The following C1QTNF9B variants were observed in gnomAD, a reference collection of about 807,000 sequenced individuals.
C1QTNF9B encodes complement C1q and tumor necrosis factor-related protein 9B.
A neutral mutation model predicts 10.1 loss-of-function variants in C1QTNF9B; 9 were observed. That is an observed-to-expected ratio of 0.89 (90% CI 0.53 to 1.55). C1QTNF9B has a LOEUF of 1.55. C1QTNF9B is among the 40% of genes most tolerant of loss of function. The pLI, the probability that C1QTNF9B is intolerant of heterozygous loss-of-function variation, is 0.00. For missense variants in C1QTNF9B, 196 were observed against 414.4 expected, an observed-to-expected ratio of 0.47 and a Z score of 4.58; for synonymous variants, 79 against 159.9, an observed-to-expected ratio of 0.49 and a Z score of 3.82.
chr13:23,894,341 AG>A, intron 1 of C1QTNF9B, 140 bp from the exon 4 acceptor site: 1 of 803,926 alleles, frequency 1.2e-6, no homozygotes, highest in African/African-American at 1.7e-5. Context: ...ACACGAGCGC[AG>A]GTGGAGAGAG....
At chr13:23,897,048 G>T (rs1593223025), upstream of C1QTNF9B, 1 of 1,605,846 alleles carries the variant, frequency 6.2e-7, no homozygotes, top group Non-Finnish European at 8.5e-7. Context: ...AACCTTTGTT[G>T]CTGGGGCCCT....
At chr13:23,892,379 G>C (rs1418886926) in intron 2 of C1QTNF9B, among the ~76,000 whole-genome samples, 3 of 152,196 alleles carry the variant, frequency 2.0e-5, no homozygotes, top group African/African-American at 4.8e-5. Context: ...CTCCAGCCCA[G>C]CTCAGTGGCT....
At chr13:23,896,594 G>A (rs1285623327) in intron 1 of C1QTNF9B, among the ~76,000 whole-genome samples, 1 of 152,176 alleles carries the variant, frequency 6.6e-6, no homozygotes, top group Non-Finnish European at 1.5e-5. Context: ...CTGGCCCTGT[G>A]CTCTCCACCA....
upstream of C1QTNF9B, chr13:23,897,111 C>T: frequency 5.1e-6 from 7 of 1,366,358 alleles, no homozygotes; most frequent in Non-Finnish European, 7.1e-6. Context: ...TCCCCTGCCC[C>T]AGACCCACAC....
At chr13:23,893,340 C>T (rs1296255615) in intron 2 of C1QTNF9B, among the ~76,000 whole-genome samples, 1 of 152,212 alleles carries the variant, frequency 6.6e-6, no homozygotes, top group Non-Finnish European at 1.5e-5. Context: ...GCCAGATGCA[C>T]CAAGTCAAAA....
At chr13:23,894,762 A>T in intron 1 of C1QTNF9B, 1 of 405,142 alleles carries the variant, frequency 2.5e-6, no homozygotes, top group Admixed American at 2.6e-5. Flanking sequence ...GCTGGCAGAG[A>T]ACATCAGGTG....
At chr13:23,897,008 T>A (rs181995253), upstream of C1QTNF9B, 4 of 1,613,514 alleles carry the variant, frequency 2.5e-6, no homozygotes, top group African/African-American at 5.3e-5. Context: ...CAGACTGAAC[T>A]GAAAGAGGGA....
chr13:23,897,053 G>A (rs1388111369), upstream of C1QTNF9B: 7 of 1,602,918 alleles, frequency 4.4e-6, no homozygotes, highest in Non-Finnish European at 6.0e-6. Flanking sequence ...TTGTTGCTGG[G>A]GCCCTGGACA....
At chr13:23,894,662 T>C (rs1490162228) in intron 1 of C1QTNF9B, 1 of 458,250 alleles carries the variant, frequency 2.2e-6, no homozygotes, top group South Asian at 1.5e-5. Flanking sequence ...CACAGATGAC[T>C]ATGGTTACGT....
intron 1 of C1QTNF9B, among the ~76,000 whole-genome samples, chr13:23,895,151 C>T (rs1010321116): frequency 6.6e-6 from 1 of 151,984 alleles, no homozygotes; most frequent in South Asian, 2.1e-4. Flanking sequence ...CCCCTCCCTG[C>T]GCTCCCCTTC....
chr13:23,896,704 G>A (rs1872213214), intron 1 of C1QTNF9B, 117 bp downstream of exon 3: 3 of 1,449,774 alleles, frequency 2.1e-6, no homozygotes, highest in Non-Finnish European at 2.8e-6. Context: ...ATGTTGCTGG[G>A]TGGATGGATG....
intron 2 of C1QTNF9B, among the ~76,000 whole-genome samples, chr13:23,892,310 A>G (rs1466677954): frequency 6.6e-6 from 1 of 152,156 alleles, no homozygotes. Context: ...CCAACATAGC[A>G]ATTCCCTGAC....
chr13:23,894,859 T>C (rs1026832721), intron 1 of C1QTNF9B, among the ~76,000 whole-genome samples: 3 of 152,112 alleles, frequency 2.0e-5, no homozygotes, highest in Admixed American at 6.5e-5. Context: ...CGTCAGCGGG[T>C]TGAAGGTGGC....
chr13:23,892,308 G>C (rs1270696381), intron 2 of C1QTNF9B, among the ~76,000 whole-genome samples: 1 of 151,946 alleles, frequency 6.6e-6, no homozygotes, highest in Non-Finnish European at 1.5e-5. Flanking sequence ...GGCCAACATA[G>C]CAATTCCCTG....
At chr13:23,895,313 A>C (rs996309108) in intron 1 of C1QTNF9B, among the ~76,000 whole-genome samples, 20 of 152,192 alleles carry the variant, frequency 1.3e-4, no homozygotes, top group African/African-American at 4.1e-4. Context: ...CACAGACCCC[A>C]ATCAGTAGAC....
rs536233647 is a variant in C1QTNF9B at position 23,894,512 on chromosome 13, A to G, written c.167-311T>C. The G allele has an allele frequency of 1.0e-4, 62 of 602,056 alleles. 1 individual carries two copies. The highest frequency in any genetic ancestry group is 9.1e-4 in the South Asian group (60 of 66,062). The allele number at this position is 602,056 out of a possible 1,614,324, so 37.3% of individuals were successfully genotyped here. On this transcript the variant is annotated intron_variant, in intron 1 of 2. Transcript: ENST00000382137. ...TGTGCAATGGGGACTGACTGTCACA[A>G]TTGATTGTGTTCCTCTCCTGCGACA...
intron 1 of C1QTNF9B, chr13:23,894,621 G>A (rs1284326045): frequency 2.1e-6 from 1 of 468,530 alleles, no homozygotes; most frequent in East Asian, 6.6e-5. Context: ...GAGGAGAGTG[G>A]AATGGAAGAT....
Position 23,896,813 on chromosome 13 carries a change from G to T in C1QTNF9B, c.166+8C>A. 1.2e-6 allele frequency: 2 copies of T among 1,612,442 alleles called. No individual in the cohort carries two copies. The highest frequency in any genetic ancestry group is 1.7e-6 in the Non-Finnish European group (2 of 1,179,088). On this transcript the variant is annotated splice_region_variant and intron_variant, in intron 1 of 2. Transcript: ENST00000382137. The stretch of plus-strand genomic sequence containing the variant: ...GCTCAAAGGCAGCCGAAGCCGTCAG[G>T]TGAGTACCTGCATCGCCTTTGTCAC...
intron 1 of C1QTNF9B, among the ~76,000 whole-genome samples, chr13:23,895,982 T>C (rs1872186913): frequency 6.6e-6 from 1 of 152,208 alleles, no homozygotes; most frequent in African/African-American, 2.4e-5. Flanking sequence ...CTGGTGACCC[T>C]TGGCTTCATC....
Sources: gnomAD v4.1 joint callset for allele counts (sites outside exome capture counted in the v4.1 genomes callset) on GRCh38, gnomAD v4.1.1 for gene constraint, MANE v1.5 for transcripts, NCBI Gene and HGNC (gene_info 2026-07-23, HGNC 2026-07-21) for gene names.